The following TRIM2 variants were observed in gnomAD, a reference collection of about 807,000 sequenced individuals.
TRIM2 encodes tripartite motif-containing protein 2.
TRIM2 carries 20 observed loss-of-function variants against 75.2 expected under a neutral mutation model. The ratio of observed to expected loss-of-function variants is 0.27; its 90% CI spans 0.19 to 0.39. The LOEUF is 0.39. Ranked by LOEUF, TRIM2 falls within the 10% of genes least tolerant of loss-of-function variation. TRIM2 has a pLI of 1.00. For synonymous variants in TRIM2, 373 were observed against 388.3 expected (o/e 0.96, Z 0.46); for missense variants, 660 against 990.8 (o/e 0.67, Z 4.48).
At chr4:153,322,885 A>G in intron 9 of TRIM2, 69 bp downstream of exon 9, 1 of 1,579,482 alleles carries the variant, frequency 6.3e-7, no homozygotes, top group African/African-American at 1.3e-5. Flanking sequence ...ATGATGTTGG[A>G]GCATGTTGAA....
chr4:153,200,469 A>T (rs1373485678), upstream of TRIM2, among the ~76,000 whole-genome samples: 1 of 151,972 alleles, frequency 6.6e-6, no homozygotes, highest in African/African-American at 2.4e-5. Flanking sequence ...TCCTTTAGCT[A>T]TTGTGAATAG....
chr4:153,185,464 A>C (rs11725094), intron 1 of TRIM2, among the ~76,000 whole-genome samples: 1 of 151,474 alleles, frequency 6.6e-6, no homozygotes, highest in Non-Finnish European at 1.5e-5. Flanking sequence ...AGCCTACTGC[A>C]TGTCTCGGTG....
At chr4:153,319,748 A>G (rs1768520374) in intron 8 of TRIM2, among the ~76,000 whole-genome samples, 1 of 151,704 alleles carries the variant, frequency 6.6e-6, no homozygotes, top group African/African-American at 2.4e-5. Flanking sequence ...AAATATATAT[A>G]TATATTTTTT....
chr4:153,242,012 G>C (rs1746750784), intron 1 of TRIM2, among the ~76,000 whole-genome samples: 1 of 152,212 alleles, frequency 6.6e-6, no homozygotes, highest in Admixed American at 6.5e-5. Flanking sequence ...ATTAAAAATA[G>C]AATGGGAATT....
exon 1 of TRIM2, chr4:153,153,263 T>G (rs1728887235): frequency 6.6e-6 from 1 of 152,248 alleles, no homozygotes; most frequent in Non-Finnish European, 1.5e-5. Context: ...CGGGACGCAA[T>G]TGGAAACGTG....
chr4:153,200,818 T>C (rs1734281634), upstream of TRIM2, among the ~76,000 whole-genome samples: 1 of 149,662 alleles, frequency 6.7e-6, no homozygotes. Context: ...TCCTTATTAT[T>C]GTTATTATTT....
At chr4:153,217,427 C>T (rs1738786469) in intron 1 of TRIM2, among the ~76,000 whole-genome samples, 1 of 152,162 alleles carries the variant, frequency 6.6e-6, no homozygotes, top group Non-Finnish European at 1.5e-5. Context: ...CCAGACTCAG[C>T]AGGAACAGAC....
At position 153,294,444 on chromosome 4, in the gene TRIM2, C is replaced by G; in HGVS notation, c.745C>G (p.Leu249Val). ...GACTTTAAATGTGCGCAAGAGTGTG[C>G]TGCTTATGGAATTGGAGGTCAACTA... ...QKTLNVRKSV[L>V]LMELEVNYGL... The change falls in exon 5 of 12, where the codon CTG becomes GTG. Residue 249 changes from leucine (L) to valine (V), a missense_variant. Coordinates refer to ENST00000338700, the MANE Select transcript of TRIM2 (RefSeq NM_015271.5). 10 of 1,614,052 alleles carry G rather than the reference C, an allele frequency of 6.2e-6. No individual in the cohort carries two copies. The highest frequency in any genetic ancestry group is 8.5e-6 in the Non-Finnish European group (10 of 1,179,982).
intron 1 of TRIM2, among the ~76,000 whole-genome samples, chr4:153,219,493 C>G (rs180923737): frequency 6.6e-6 from 1 of 152,158 alleles, no homozygotes; most frequent in Non-Finnish European, 1.5e-5. Context: ...TGCCCTGAAA[C>G]CCAGTTTCAG....
At chr4:153,230,256 C>T (rs1743267305) in intron 1 of TRIM2, among the ~76,000 whole-genome samples, 1 of 152,166 alleles carries the variant, frequency 6.6e-6, no homozygotes, top group Non-Finnish European at 1.5e-5. Context: ...TCATGGCTCA[C>T]TGCAGCCTTT....
At chr4:153,202,007 G>T (rs189565729), upstream of TRIM2, among the ~76,000 whole-genome samples, 1 of 152,186 alleles carries the variant, frequency 6.6e-6, no homozygotes, top group African/African-American at 2.4e-5. Context: ...TAATTAGAAG[G>T]ATACAAGGGC....
rs566905985 is a variant in TRIM2, at chr4:153,238,358, C to G, written c.31-31977C>G. On this transcript the variant is annotated intron_variant, in intron 1 of 11. Transcript: ENST00000338700. ...CATCACACATTTCACAATTTGTACC[C>G]AAGCAAAGTTCATGGAGGTAAAGGT... Among the ~76,000 whole-genome samples, 11 of 144,322 alleles carry G rather than the reference C, an allele frequency of 7.6e-5. No homozygotes were observed. The South Asian group carries it at 1.9e-3, about 25-fold the overall frequency. The allele number at this position is 144,322 out of a possible 152,430, so 94.7% of individuals were successfully genotyped here. A position where few individuals can be genotyped will look rare whatever the true frequency, so the allele number is the denominator to read the frequency against.
intron 1 of TRIM2, among the ~76,000 whole-genome samples, chr4:153,247,860 A>C (rs1677325106): frequency 6.6e-6 from 1 of 152,120 alleles, no homozygotes; most frequent in Admixed American, 6.6e-5. Context: ...TCCTTAAATG[A>C]GCCCAGCTCC....
intron 1 of TRIM2, among the ~76,000 whole-genome samples, chr4:153,153,679 C>G (rs1306688550): frequency 6.6e-6 from 1 of 152,226 alleles, no homozygotes; most frequent in Non-Finnish European, 1.5e-5. Context: ...TGTTCCAGCC[C>G]GTGGGGACCT....
At chr4:153,270,591 C>A in intron 2 of TRIM2, 72 bp downstream of exon 2, 1 of 1,337,786 alleles carries the variant, frequency 7.5e-7, no homozygotes, top group Non-Finnish European at 1.0e-6. Context: ...AGGATTCTTT[C>A]CCAGAATTCT....
Position 153,204,454 on chromosome 4 carries a change from G to A in TRIM2, c.-77G>A. 6.6e-7 allele frequency: 1 copy of A among 1,522,226 alleles called. No homozygotes were observed. The highest frequency in any genetic ancestry group is 8.9e-7 in the Non-Finnish European group (1 of 1,120,644). The allele number at this position is 1,522,226 out of a possible 1,614,324, so 94.3% of individuals were successfully genotyped here. On this transcript the variant is annotated 5_prime_UTR_variant, in exon 1 of 12. An upstream start codon of the reference 5' UTR is lost. Transcript: ENST00000338700. ...CCACCCTTTAACTCGGCAGCTTGAT[G>A]ACTATAATGGGCCCAGTTGTCTGCG...
chr4:153,311,680 G>A (rs1055166353), intron 6 of TRIM2, among the ~76,000 whole-genome samples: 8 of 129,068 alleles, frequency 6.2e-5, no homozygotes, highest in Non-Finnish European at 1.4e-4. Context: ...TCAGTTAATT[G>A]GTCTTCATTT....
chr4:153,319,931 A>T (rs933303656), intron 8 of TRIM2, among the ~76,000 whole-genome samples: 1 of 152,150 alleles, frequency 6.6e-6, no homozygotes, highest in South Asian at 2.1e-4. Flanking sequence ...AGTTGTCACT[A>T]CATGATAGAA....
Position 153,248,086 on chromosome 4 carries a change from C to T in TRIM2, c.31-22249C>T, listed in dbSNP as rs1749809369. Reference sequence around the variant, plus strand: ...TCTCTGCTCACTGGCGCGTCCGCCTCTGGGATTCAAGCGATTCTTGTGCTT... The same window carrying T: ...TCTCTGCTCACTGGCGCGTCCGCCTTTGGGATTCAAGCGATTCTTGTGCTT... On this transcript the variant is annotated intron_variant, in intron 1 of 11. Coordinates refer to ENST00000338700, the MANE Select transcript of TRIM2 (RefSeq NM_015271.5). This position sits in a 1 kb window ranked among gnomAD's most constrained non-coding sequence, Gnocchi z 4.0. Among the ~76,000 whole-genome samples, 1 of 150,784 alleles carries T rather than the reference C, an allele frequency of 6.6e-6. No individual in the cohort carries two copies. Among genetic ancestry groups the T allele is most frequent in the Non-Finnish European group, 1.5e-5 (1 of 67,908 alleles).
Sources: allele counts gnomAD v4.1 joint callset (sites outside exome capture counted in the v4.1 genomes callset), GRCh38; gene constraint gnomAD v4.1.1; non-coding constraint Gnocchi (gnomAD v3.1); transcripts MANE v1.5; gene names NCBI Gene and HGNC (gene_info 2026-07-23, HGNC 2026-07-21).